Variants in C1orf54 observed in about 807,000 individuals in gnomAD.
C1orf54 encodes uncharacterized protein C1orf54.
C1orf54 carries 12 observed loss-of-function variants against 14.7 expected under a neutral mutation model. The observed-to-expected ratio is 0.82, with a 90% CI of 0.52 to 1.32. C1orf54 has a LOEUF of 1.32. Ranked by LOEUF, C1orf54 falls within the 40% of genes most tolerant of loss-of-function variation. C1orf54 has a pLI of 0.00. For synonymous variants in C1orf54, 65 were observed against 56.3 expected (o/e 1.16, Z -0.70); for missense variants, 163 against 162.2 (o/e 1.00, Z -0.03).
upstream of C1orf54, among the ~76,000 whole-genome samples, chr1:150,270,622 G>A (rs140406316): frequency 7.3e-5 from 11 of 150,644 alleles, no homozygotes; most frequent in South Asian, 1.3e-3. Context: ...CAACCTGGGC[G>A]ACAGAGCAAG....
upstream of C1orf54, among the ~76,000 whole-genome samples, chr1:150,270,744 C>G (rs1213575805): frequency 6.6e-6 from 1 of 152,110 alleles, no homozygotes; most frequent in Non-Finnish European, 1.5e-5. Flanking sequence ...CGCCTGTAAT[C>G]CCAGCACTTT....
At chr1:150,272,971 TAG>T (rs1652325214) in intron 1 of C1orf54, 108 bp downstream of exon 1, 9 of 1,248,286 alleles carry the variant, frequency 7.2e-6, no homozygotes, top group South Asian at 3.7e-5. Flanking sequence ...TGGGGAGCGA[TAG>T]AGTTTTCTCA....
chr1:150,276,689 AATAC>A, intron 4 of C1orf54, 57 bp downstream of exon 4: 1 of 1,399,400 alleles, frequency 7.1e-7, no homozygotes, highest in Non-Finnish European at 1.0e-6. Context: ...AGTGACGTGG[AATAC>A]ATAGAGGGCT....
intron 2 of C1orf54, among the ~76,000 whole-genome samples, chr1:150,275,521 A>G (rs1260180075): frequency 6.6e-6 from 1 of 152,138 alleles, no homozygotes; most frequent in African/African-American, 2.4e-5. Flanking sequence ...GAAGAACTTG[A>G]AAATTTTTCA....
At position 150,279,750 on chromosome 1, in the gene C1orf54, G is replaced by A. The variant is rs782030455; in HGVS notation, c.*3+9G>A. 1.9e-6 allele frequency: 3 copies of A among 1,597,028 alleles called. No individual in the cohort carries two copies. The Admixed American group carries it at 5.1e-5, about 27-fold the overall frequency. On this transcript the variant is annotated intron_variant, in intron 5 of 5. Transcript: ENST00000369099. ...TGTATTTCATGTAGAAGGTAAGAGT[G>A]CAGCCACTGGCTTTGGGGGAGTCTG...
intron 5 of C1orf54, 25 bp from the exon 6 acceptor site, chr1:150,280,810 T>G (rs1275334756): frequency 1.9e-6 from 3 of 1,546,514 alleles, no homozygotes; most frequent in Non-Finnish European, 2.6e-6. Flanking sequence ...CTCCTTTTAT[T>G]TTCTTTCTTT....
At chr1:150,268,829 G>C (rs181092416), upstream of C1orf54, 4,543 of 1,603,462 alleles carry the variant, frequency 2.8e-3, 97 homozygotes, top group African/African-American at 0.042. Flanking sequence ...AGGTGGGAAG[G>C]GGGGTGGGGG....
chr1:150,274,116 G>A lies in C1orf54; in HGVS notation c.76G>A (p.Gly26Arg), dbSNP rs1220829710. The change falls in exon 2 of 6, where the codon GGA (glycine) becomes AGA (arginine). Residue 26 changes from glycine (G) to arginine (R), a missense_variant. Gly to Arg is a moderately radical substitution (Grantham distance 125). Coordinates refer to ENST00000369099, the MANE Select transcript of C1orf54 (RefSeq NM_024579.4). ...AGAATATGAGGATGAAGAAAGACTG[G>A]GAGAGGATGAATATTATCAGGTGGT... ...GQEYEDEERLGEDEYYQVVYY... is the reference protein window; with the variant it reads ...GQEYEDEERLREDEYYQVVYY... 6.2e-7 allele frequency: 1 copy of A among 1,612,430 alleles called. No individual in the cohort carries two copies. Among genetic ancestry groups the A allele is most frequent in the Non-Finnish European group, 8.5e-7 (1 of 1,178,514 alleles).
chr1:150,273,013 A>T, intron 1 of C1orf54, 150 bp downstream of exon 1: 1 of 882,290 alleles, frequency 1.1e-6, no homozygotes, highest in Non-Finnish European at 1.8e-6. Context: ...TGAGGGCAGA[A>T]TGGAGATCTG....
At chr1:150,275,945 T>C (rs781797314) in intron 3 of C1orf54, 146 bp downstream of exon 3, 35 of 617,014 alleles carry the variant, frequency 5.7e-5, no homozygotes, top group South Asian at 1.3e-4. Context: ...GAGACCAGCC[T>C]GGCCAAAATG....
chr1:150,279,852 G>A (rs1484761758), intron 5 of C1orf54, 111 bp downstream of exon 5: 2 of 931,928 alleles, frequency 2.1e-6, no homozygotes, highest in African/African-American at 3.3e-5. Context: ...TTTCCAGCCT[G>A]GTCAATTATC....
At chr1:150,277,463 A>G (rs186791787) in intron 4 of C1orf54, among the ~76,000 whole-genome samples, 5 of 129,552 alleles carry the variant, frequency 3.9e-5, no homozygotes, top group African/African-American at 1.1e-4. Flanking sequence ...AGATCACGCC[A>G]CTCTACTCCA....
chr1:150,269,263 T>G (rs377543790), upstream of C1orf54: 198 of 182,528 alleles, frequency 1.1e-3, 2 homozygotes, highest in South Asian at 8.8e-3. Flanking sequence ...CGTCACTTTG[T>G]GGGGAAAAGT....
chr1:150,276,488 T>A (rs781974344), intron 3 of C1orf54, 34 bp from the exon 4 acceptor site: 3 of 1,537,570 alleles, frequency 2.0e-6, no homozygotes. Context: ...GAAAAACTGA[T>A]AACTCTGTGT....
chr1:150,273,740 T>C (rs1553851763), intron 1 of C1orf54, among the ~76,000 whole-genome samples: 1 of 152,242 alleles, frequency 6.6e-6, no homozygotes, highest in Admixed American at 6.5e-5. Context: ...GCATACTAAA[T>C]AGAAGACTTG....
chr1:150,272,708 G>T, upstream of C1orf54: 1 of 1,123,490 alleles, frequency 8.9e-7, no homozygotes. Context: ...GAGGAGAAGA[G>T]TTGCTGCAGC....
intron 3 of C1orf54, 55 bp downstream of exon 3, chr1:150,275,854 T>G: frequency 6.7e-7 from 1 of 1,503,576 alleles, no homozygotes. Context: ...AAAAAGAAAC[T>G]GGCCGGGCGC....
intron 4 of C1orf54, among the ~76,000 whole-genome samples, chr1:150,277,229 G>A (rs901900466): frequency 7.2e-5 from 11 of 152,118 alleles, no homozygotes; most frequent in African/African-American, 9.7e-5. Flanking sequence ...CAGGTATGGC[G>A]GCTTATGCCT....
intron 4 of C1orf54, among the ~76,000 whole-genome samples, chr1:150,279,086 C>T (rs2101880962): frequency 6.6e-6 from 1 of 152,284 alleles, no homozygotes; most frequent in African/African-American, 2.4e-5. Context: ...GCCTGGCCAA[C>T]ATGGCAAAAC....
Sources: gnomAD v4.1 joint callset for allele counts (sites outside exome capture counted in the v4.1 genomes callset) on GRCh38, gnomAD v4.1.1 for gene constraint, MANE v1.5 for transcripts, NCBI Gene and HGNC (gene_info 2026-07-23, HGNC 2026-07-21) for gene names.